Variants in CPNE4 observed in about 807,000 individuals in gnomAD.
CPNE4 encodes the protein copine 4, also known as copine-4.
Under a neutral mutation model 67.9 loss-of-function variants are expected in CPNE4, and 25 were observed. The ratio of observed to expected loss-of-function variants is 0.37; its 90% CI spans 0.27 to 0.51. The LOEUF (loss-of-function observed/expected upper bound fraction) is 0.51. CPNE4 is among the 20% of genes least tolerant of loss of function. The pLI, the probability that CPNE4 is intolerant of heterozygous loss-of-function variation, is 0.93. For missense variants in CPNE4, 464 were observed against 690.8 expected, an observed-to-expected ratio of 0.67 and a Z score of 3.68; for synonymous variants, 242 against 244.9, an observed-to-expected ratio of 0.99 and a Z score of 0.11.
chr3:131,918,787 T>C (rs1454778593), intron 1 of CPNE4, among the ~76,000 whole-genome samples: 1 of 152,166 alleles, frequency 6.6e-6, no homozygotes, highest in African/African-American at 2.4e-5. Context: ...AAAAAGGAGA[T>C]ATGGTGTATA....
At chr3:131,668,427 C>G (rs1443394855) in intron 7 of CPNE4, among the ~76,000 whole-genome samples, 1 of 152,164 alleles carries the variant, frequency 6.6e-6, no homozygotes, top group Non-Finnish European at 1.5e-5. Flanking sequence ...AATGTTTAGT[C>G]TGCCTGATGG....
chr3:131,825,143 C>T (rs2085103287), intron 2 of CPNE4, among the ~76,000 whole-genome samples: 2 of 151,962 alleles, frequency 1.3e-5, no homozygotes. Context: ...GAAACGGGGT[C>T]CATATGAGCA....
At chr3:131,810,725 T>G (rs1011150406) in intron 2 of CPNE4, among the ~76,000 whole-genome samples, 1 of 152,110 alleles carries the variant, frequency 6.6e-6, no homozygotes, top group African/African-American at 2.4e-5. Context: ...GGAAGAAATA[T>G]CTGCACTGCC....
At chr3:131,543,024 C>T in intron 14 of CPNE4, 1 of 493,734 alleles carries the variant, frequency 2.0e-6, no homozygotes. Context: ...ACCTCACTGA[C>T]AGTTACAAAG....
At chr3:131,732,820 CAGGTGAA>C (rs2082158072) in intron 2 of CPNE4, among the ~76,000 whole-genome samples, 1 of 152,196 alleles carries the variant, frequency 6.6e-6, no homozygotes, top group Non-Finnish European at 1.5e-5. Context: ...ATCTCAAGGG[CAGGTGAA>C]ATTGTGTCCA....
chr3:131,717,882 C>CTCTTTCTT (rs1553758881), intron 3 of CPNE4, among the ~76,000 whole-genome samples: 3 of 54,056 alleles, frequency 5.5e-5, no homozygotes, highest in African/African-American at 1.6e-4. Flanking sequence ...TCTTTTCTTT[C>CTCTTTCTT]TTTCTTTCTT....
chr3:131,984,870 C>T (rs921725046), intron 1 of CPNE4, among the ~76,000 whole-genome samples: 1 of 152,176 alleles, frequency 6.6e-6, no homozygotes, highest in African/African-American at 2.4e-5. Context: ...GCTCCAATTA[C>T]TCACAATGCA....
chr3:131,626,197 GT>G (rs1429139653), intron 7 of CPNE4, among the ~76,000 whole-genome samples: 2 of 152,114 alleles, frequency 1.3e-5, no homozygotes. Context: ...GCCTCTAAAT[GT>G]TCAAGAAAGG....
intron 1 of CPNE4, among the ~76,000 whole-genome samples, chr3:132,034,315 A>G (rs1177488164): frequency 2.0e-5 from 3 of 151,522 alleles, no homozygotes; most frequent in Non-Finnish European, 4.4e-5. Flanking sequence ...TTTCTCCCCA[A>G]CTCCATTCGC....
At chr3:131,913,343 C>G (rs1336211828) in intron 1 of CPNE4, among the ~76,000 whole-genome samples, 1 of 152,112 alleles carries the variant, frequency 6.6e-6, no homozygotes, top group Non-Finnish European at 1.5e-5. Flanking sequence ...CAAAATGGTA[C>G]CATTTAACTG....
chr3:131,810,638 A>G (rs2084489181), intron 2 of CPNE4, among the ~76,000 whole-genome samples: 3 of 152,098 alleles, frequency 2.0e-5, no homozygotes, highest in African/African-American at 7.2e-5. Context: ...AGTTCTAACA[A>G]ATTAAAAATA....
chr3:131,636,989 G>A (rs779579789), intron 7 of CPNE4, among the ~76,000 whole-genome samples: 1 of 152,192 alleles, frequency 6.6e-6, no homozygotes, highest in African/African-American at 2.4e-5. Flanking sequence ...AGGGGAAAAG[G>A]GAGAACAGCA....
intron 3 of CPNE4, among the ~76,000 whole-genome samples, chr3:131,713,990 T>C (rs1448128615): frequency 6.6e-6 from 1 of 152,092 alleles, no homozygotes; most frequent in Non-Finnish European, 1.5e-5. Flanking sequence ...ATCACTCACG[T>C]GGCTTCTGCT....
intron 2 of CPNE4, among the ~76,000 whole-genome samples, chr3:131,891,243 A>C (rs1412457225): frequency 1.3e-5 from 2 of 152,152 alleles, no homozygotes; most frequent in Non-Finnish European, 2.9e-5. Flanking sequence ...CATTAATTTT[A>C]TGAAGTTTTT....
At chr3:131,842,212 A>G (rs889688210) in intron 2 of CPNE4, among the ~76,000 whole-genome samples, 9 of 152,358 alleles carry the variant, frequency 5.9e-5, no homozygotes, top group African/African-American at 1.9e-4. Flanking sequence ...AGAAGTTTCT[A>G]CAAAGAATGG....
chr3:131,942,447 TGTGTGTGTGTGTGTGTGA>T (rs2071416429), intron 1 of CPNE4, among the ~76,000 whole-genome samples: 2 of 61,214 alleles, frequency 3.3e-5, no homozygotes, highest in East Asian at 4.0e-4. Flanking sequence ...TGTGTGTGTG[TGTGTGTGTGTGTGTGTGA>T]GAGAGAGAGA....
chr3:132,013,226 A>G (rs1188939153), intron 1 of CPNE4, among the ~76,000 whole-genome samples: 1 of 152,218 alleles, frequency 6.6e-6, no homozygotes, highest in Non-Finnish European at 1.5e-5. Context: ...CCATCTCAAA[A>G]ATAAAAGAAA....
intron 2 of CPNE4, among the ~76,000 whole-genome samples, chr3:131,784,349 A>G (rs1232371735): frequency 1.3e-5 from 2 of 152,084 alleles, no homozygotes; most frequent in Non-Finnish European, 2.9e-5. Context: ...GGTACCTAAT[A>G]TAAAATAGAA....
chr3:131,983,913 C>T (rs1192345497), intron 1 of CPNE4, among the ~76,000 whole-genome samples: 2 of 152,160 alleles, frequency 1.3e-5, no homozygotes, highest in Non-Finnish European at 2.9e-5. Context: ...CTTCAAATCA[C>T]AAATTACTTC....
Sources: gnomAD v4.1 joint callset for allele counts (sites outside exome capture counted in the v4.1 genomes callset) on GRCh38, gnomAD v4.1.1 for gene constraint, MANE v1.5 for transcripts, NCBI Gene and HGNC (gene_info 2026-07-23, HGNC 2026-07-21) for gene names.